The following HECW2 variants were observed in gnomAD, a reference collection of about 807,000 sequenced individuals.
HECW2 encodes the protein E3 ubiquitin-protein ligase HECW2.
Under a neutral mutation model 175.2 loss-of-function variants are expected in HECW2, and 61 were observed. That is an observed-to-expected ratio of 0.35 (90% CI 0.28 to 0.43). The LOEUF is 0.43. HECW2 is among the 20% of genes least tolerant of loss of function. The pLI is 1.00. For missense variants in HECW2, 1,524 were observed against 2,000.5 expected (o/e 0.76, Z 4.54); for synonymous variants, 671 against 731.0 (o/e 0.92, Z 1.32).
chr2:196,322,915 A>G (rs1237127296), intron 6 of HECW2, among the ~76,000 whole-genome samples: 1 of 152,228 alleles, frequency 6.6e-6, no homozygotes, highest in Non-Finnish European at 1.5e-5. Flanking sequence ...TAAGTTATGC[A>G]CAATGCAATT....
intron 1 of HECW2, among the ~76,000 whole-genome samples, chr2:196,468,145 C>A (rs1697038521): frequency 6.6e-6 from 1 of 152,160 alleles, no homozygotes; most frequent in Non-Finnish European, 1.5e-5. Context: ...CAGGCACATG[C>A]CACCAAGCCC....
At chr2:196,408,311 A>G (rs1343499857) in intron 2 of HECW2, among the ~76,000 whole-genome samples, 2 of 152,212 alleles carry the variant, frequency 1.3e-5, no homozygotes, top group Non-Finnish European at 2.9e-5. Context: ...CAAGTTATGA[A>G]CCCAGTGAAG....
intron 14 of HECW2, among the ~76,000 whole-genome samples, chr2:196,282,555 G>T (rs1398376663): frequency 6.6e-6 from 1 of 152,150 alleles, no homozygotes; most frequent in African/African-American, 2.4e-5. Flanking sequence ...AGCAGGGGTG[G>T]GGGCGGTTCT....
chr2:196,278,121 G>A (rs547475080), intron 15 of HECW2, among the ~76,000 whole-genome samples: 561 of 39,594 alleles, frequency 0.014, 26 homozygotes, highest in East Asian at 0.095. Context: ...AGAACTTAAA[G>A]TATAATTAAA....
chr2:196,441,871 T>C (rs1320117449), intron 1 of HECW2, among the ~76,000 whole-genome samples: 3 of 152,188 alleles, frequency 2.0e-5, no homozygotes, highest in Non-Finnish European at 4.4e-5. Context: ...TCACTTCCTC[T>C]TTCCAGGTGG....
At chr2:196,219,001 C>G (rs1023073274) in intron 26 of HECW2, among the ~76,000 whole-genome samples, 1 of 152,168 alleles carries the variant, frequency 6.6e-6, no homozygotes, top group Non-Finnish European at 1.5e-5. Flanking sequence ...ACAGGCATAA[C>G]CAAAAGCAAT....
At chr2:196,431,072 G>T (rs1042669593) in intron 2 of HECW2, among the ~76,000 whole-genome samples, 6 of 152,262 alleles carry the variant, frequency 3.9e-5, no homozygotes, top group Admixed American at 6.5e-5. Flanking sequence ...ACATACAGGG[G>T]AACAAAGACA....
intron 2 of HECW2, among the ~76,000 whole-genome samples, chr2:196,412,779 A>T (rs1695150087): frequency 1.3e-5 from 2 of 152,262 alleles, no homozygotes; most frequent in African/African-American, 2.4e-5. Context: ...CCCTGCCAAA[A>T]ATAGAAAGTA....
chr2:196,385,878 C>A (rs754306109), intron 2 of HECW2, among the ~76,000 whole-genome samples: 3 of 152,086 alleles, frequency 2.0e-5, no homozygotes, highest in Non-Finnish European at 2.9e-5. Flanking sequence ...TTATTAAAAC[C>A]TATTAGGTAT....
intron 1 of HECW2, among the ~76,000 whole-genome samples, chr2:196,589,029 T>C (rs1255487969): frequency 6.6e-6 from 1 of 152,096 alleles, no homozygotes; most frequent in East Asian, 1.9e-4. Flanking sequence ...TGAAATCCTG[T>C]CTCTACTAAA....
rs1317922712 is a variant in HECW2, at chr2:196,222,352, A to G, written c.4017-12T>C. The G allele has an allele frequency of 6.2e-7, 1 of 1,611,078 alleles. No individual in the cohort carries two copies. Among genetic ancestry groups the G allele is most frequent in the Non-Finnish European group, 8.5e-7 (1 of 1,178,558 alleles). ...TCAGGTCACATAGACTAAGATGACA[A>G]ACAGACAGAAACAAATATGTAGGCA... is the stretch of plus-strand genomic sequence containing the variant. On this transcript the variant is annotated splice_polypyrimidine_tract_variant and intron_variant, in intron 23 of 28. Coordinates refer to ENST00000644978, the MANE Select transcript of HECW2 (RefSeq NM_001348768.2).
intron 1 of HECW2, among the ~76,000 whole-genome samples, chr2:196,442,320 T>C (rs1696066242): frequency 6.6e-6 from 1 of 152,140 alleles, no homozygotes; most frequent in Non-Finnish European, 1.5e-5. Context: ...AACATCAACA[T>C]TGAAAAGCAG....
chr2:196,329,008 T>C (rs1039801444), intron 5 of HECW2, among the ~76,000 whole-genome samples: 2 of 152,204 alleles, frequency 1.3e-5, no homozygotes, highest in Non-Finnish European at 2.9e-5. Context: ...TATTCTTTTT[T>C]TTTCAGTTAC....
intron 2 of HECW2, among the ~76,000 whole-genome samples, chr2:196,385,401 G>A (rs1694318877): frequency 6.6e-6 from 1 of 152,102 alleles, no homozygotes; most frequent in Non-Finnish European, 1.5e-5. Context: ...TTTAAAATAT[G>A]ATCTCACTAG....
chr2:196,483,970 G>A (rs1023525763), intron 1 of HECW2, among the ~76,000 whole-genome samples: 18 of 152,170 alleles, frequency 1.2e-4, no homozygotes, highest in Non-Finnish European at 2.6e-4. Flanking sequence ...TTATAACAGT[G>A]ATGTATGTAT....
chr2:196,310,662 G>A (rs185917968), intron 10 of HECW2, among the ~76,000 whole-genome samples: 5 of 152,140 alleles, frequency 3.3e-5, no homozygotes, highest in Non-Finnish European at 5.9e-5. Flanking sequence ...GCTAAAATGA[G>A]ATAGGCAGAG....
intron 2 of HECW2, among the ~76,000 whole-genome samples, chr2:196,358,843 C>T (rs1470638537): frequency 1.3e-5 from 2 of 152,126 alleles, no homozygotes; most frequent in East Asian, 3.9e-4. Flanking sequence ...TGGGTGAAGT[C>T]CTTACTGTAC....
At chr2:196,373,829 G>A (rs530605575) in intron 2 of HECW2, among the ~76,000 whole-genome samples, 87 of 152,104 alleles carry the variant, frequency 5.7e-4, no homozygotes, top group African/African-American at 1.8e-3. Flanking sequence ...TCAGGAGATC[G>A]AGACCATCCC....
intron 19 of HECW2, 83 bp downstream of exon 19, chr2:196,253,837 T>C: frequency 7.9e-7 from 1 of 1,263,620 alleles, no homozygotes; most frequent in Non-Finnish European, 1.2e-6. Flanking sequence ...GTTCCCTTAC[T>C]GTTCTGTCTT....
Sources: gnomAD v4.1 joint callset for allele counts (sites outside exome capture counted in the v4.1 genomes callset) on GRCh38, gnomAD v4.1.1 for gene constraint, MANE v1.5 for transcripts, NCBI Gene and HGNC (gene_info 2026-07-23, HGNC 2026-07-21) for gene names.